MGST1: variants seen among roughly 807,000 people sequenced by gnomAD.
The protein encoded by MGST1 is glutathione S-transferase 12.
A neutral mutation model predicts 8.9 loss-of-function variants in MGST1; 5 were observed. That is an observed-to-expected ratio of 0.56 (90% CI 0.29 to 1.19). The LOEUF (loss-of-function observed/expected upper bound fraction) is 1.19. Ranked by LOEUF, MGST1 falls within the 50% of genes most tolerant of loss-of-function variation. The pLI, the probability that MGST1 is intolerant of heterozygous loss-of-function variation, is 0.08. For synonymous variants in MGST1, 54 were observed against 67.8 expected, an observed-to-expected ratio of 0.80 and a Z score of 1.00; for missense variants, 182 against 187.4, an observed-to-expected ratio of 0.97 and a Z score of 0.17.
chr12:16,529,318 A>G (rs1024764928), intron 4 of MGST1, among the ~76,000 whole-genome samples: 1 of 152,016 alleles, frequency 6.6e-6, no homozygotes, highest in African/African-American at 2.4e-5. Context: ...TTATCCACCC[A>G]ATGATAGTCT....
intron 4 of MGST1, among the ~76,000 whole-genome samples, chr12:16,577,567 A>G (rs1254058482): frequency 6.6e-6 from 1 of 151,952 alleles, no homozygotes; most frequent in Non-Finnish European, 1.5e-5. Flanking sequence ...TATATAATAA[A>G]ACAAATAAGA....
chr12:16,514,482 C>T (rs2137182626), intron 4 of MGST1: 1 of 248,494 alleles, frequency 4.0e-6, no homozygotes, highest in South Asian at 4.9e-5. Flanking sequence ...GGGTTCTACC[C>T]ACTACTGGCC....
chr12:16,399,923 T>C, intron 1 of MGST1: 1 of 1,285,616 alleles, frequency 7.8e-7, no homozygotes, highest in Non-Finnish European at 1.1e-6. Context: ...TCATCCAATG[T>C]CACCACAAAA....
chr12:16,566,872 T>C (rs1942635531), intron 4 of MGST1, among the ~76,000 whole-genome samples: 2 of 152,278 alleles, frequency 1.3e-5, no homozygotes, highest in Non-Finnish European at 2.9e-5. Flanking sequence ...AGAAGAAGAA[T>C]TAAGTTAAAC....
chr12:16,462,963 C>A (rs1941231112), intron 4 of MGST1, among the ~76,000 whole-genome samples: 1 of 152,106 alleles, frequency 6.6e-6, no homozygotes, highest in Non-Finnish European at 1.5e-5. Context: ...TCTGATATAC[C>A]CGCTGTAGAC....
intron 4 of MGST1, among the ~76,000 whole-genome samples, chr12:16,473,037 A>T (rs1188663312): frequency 6.6e-6 from 1 of 152,222 alleles, no homozygotes; most frequent in Non-Finnish European, 1.5e-5. Context: ...TAGATGTAGC[A>T]TACCTATCAA....
intron 4 of MGST1, among the ~76,000 whole-genome samples, chr12:16,444,384 T>G (rs1444032843): frequency 1.3e-5 from 2 of 151,822 alleles, no homozygotes; most frequent in African/African-American, 2.4e-5. Context: ...CCCAAGCCAT[T>G]TGCCACTGCT....
intron 4 of MGST1, among the ~76,000 whole-genome samples, chr12:16,444,963 A>G (rs977330133): frequency 6.6e-6 from 1 of 151,838 alleles, no homozygotes; most frequent in Non-Finnish European, 1.5e-5. Context: ...GGCTTTCCCA[A>G]GTGACTTGAA....
chr12:16,486,838 A>T (rs1307514140), intron 4 of MGST1, among the ~76,000 whole-genome samples: 1 of 152,194 alleles, frequency 6.6e-6, no homozygotes, highest in African/African-American at 2.4e-5. Context: ...TAATTCTTCA[A>T]AGCTAAGGTG....
At chr12:16,534,935 G>C (rs933657290) in intron 4 of MGST1, among the ~76,000 whole-genome samples, 2 of 152,112 alleles carry the variant, frequency 1.3e-5, no homozygotes, top group Non-Finnish European at 2.9e-5. Context: ...ACTTGTGGGA[G>C]AGATGGTTCT....
chr12:16,358,841 C>T (rs1939856975), intron 3 of MGST1, among the ~76,000 whole-genome samples: 1 of 123,916 alleles, frequency 8.1e-6, no homozygotes, highest in Non-Finnish European at 1.6e-5. Context: ...TGTATACGTA[C>T]CACATTGTCT....
chr12:16,386,868 G>C (rs1333113551), intron 1 of MGST1, among the ~76,000 whole-genome samples: 1 of 152,174 alleles, frequency 6.6e-6, no homozygotes, highest in African/African-American at 2.4e-5. Context: ...CCTGGGATGT[G>C]AATTATCTTT....
rs186631215 is a variant in MGST1, at chr12:16,576,540, T to C, written n.483-12988T>C. On this transcript the variant is annotated intron_variant and non_coding_transcript_variant, in intron 4 of 4. Transcript: ENST00000538857. This position sits in a 1 kb window ranked among gnomAD's most constrained non-coding sequence, Gnocchi z 4.1. ...CACACTTCTTTAGACATTTAAGCACTTGTTTTCATATACTACTTCATCTTT... is the reference window on the plus strand; with the variant it reads ...CACACTTCTTTAGACATTTAAGCACCTGTTTTCATATACTACTTCATCTTT... 3.3e-5 allele frequency among the ~76,000 whole-genome samples: 5 copies of C among 152,336 alleles called. No individual in the cohort carries two copies. The East Asian group carries it at 5.8e-4, about 18-fold the overall frequency.
intron 4 of MGST1, among the ~76,000 whole-genome samples, chr12:16,509,280 T>C (rs932439307): frequency 6.6e-6 from 1 of 152,194 alleles, no homozygotes; most frequent in Admixed American, 6.5e-5. Context: ...AAAGAAGTGC[T>C]ATGAATATAC....
At position 16,389,461 on chromosome 12, in the gene MGST1, C is replaced by G. The variant is rs1043924288; in HGVS notation, n.778+5857C>G. Among the ~76,000 whole-genome samples the G allele has an allele frequency of 2.0e-5, 3 of 152,150 alleles. No homozygotes were observed. Among genetic ancestry groups the G allele is most frequent in the Non-Finnish European group, 4.4e-5 (3 of 68,028 alleles). On this transcript the variant is annotated intron_variant and non_coding_transcript_variant, in intron 1 of 1. Transcript: ENST00000359720. This position sits in a 1 kb window ranked among gnomAD's most constrained non-coding sequence, Gnocchi z 4.6. Reference sequence around the variant, plus strand: ...TTTTTTGTGATTCCATGGGTCGGGTCAAATTGACGGCACGGAACATTGCTT... The same window carrying G: ...TTTTTTGTGATTCCATGGGTCGGGTGAAATTGACGGCACGGAACATTGCTT...
intron 1 of MGST1, among the ~76,000 whole-genome samples, chr12:16,419,745 C>A (rs918107628): frequency 6.6e-6 from 1 of 152,118 alleles, no homozygotes; most frequent in Non-Finnish European, 1.5e-5. Flanking sequence ...GGTTATATAT[C>A]TCAGCCTGAA....
chr12:16,399,913 T>G, intron 1 of MGST1: 4 of 1,274,478 alleles, frequency 3.1e-6, no homozygotes, highest in Non-Finnish European at 4.6e-6. Flanking sequence ...CAGCTCTACT[T>G]CATCCAATGT....
chr12:16,434,828 C>T (rs767080700), intron 1 of MGST1, among the ~76,000 whole-genome samples: 16 of 151,844 alleles, frequency 1.1e-4, no homozygotes, highest in Non-Finnish European at 1.5e-4. Context: ...TGATAGCTTC[C>T]GTTGTGTGAT....
intron 4 of MGST1, among the ~76,000 whole-genome samples, chr12:16,455,877 TAGTA>T (rs1165122926): frequency 1.3e-5 from 2 of 151,918 alleles, no homozygotes; most frequent in South Asian, 2.1e-4. Flanking sequence ...AAATTTTCAA[TAGTA>T]AGTTATTGAA....
Sources: allele counts gnomAD v4.1 joint callset (sites outside exome capture counted in the v4.1 genomes callset), GRCh38; gene constraint gnomAD v4.1.1; non-coding constraint Gnocchi (gnomAD v3.1); transcripts MANE v1.5; gene names NCBI Gene and HGNC (gene_info 2026-07-23, HGNC 2026-07-21).